Variants in KAZN observed in about 807,000 individuals in gnomAD.
The protein encoded by KAZN is kazrin, periplakin interacting protein, also known as kazrin.
In KAZN, 40 loss-of-function variants were observed where a neutral mutation model predicts 87.4. That is an observed-to-expected ratio of 0.46 (90% CI 0.36 to 0.60). The LOEUF (loss-of-function observed/expected upper bound fraction) is 0.60. Among genes scored for constraint, KAZN ranks in the 20% least tolerant of loss-of-function variants. The pLI, the probability that KAZN is intolerant of heterozygous loss-of-function variation, is 0.00. For synonymous variants in KAZN, 466 were observed against 458.3 expected (o/e 1.02, Z -0.22); for missense variants, 898 against 1,073.9 (o/e 0.84, Z 2.29).
At chr1:14,644,471 C>G (rs956971028) in intron 1 of KAZN, among the ~76,000 whole-genome samples, 1 of 151,782 alleles carries the variant, frequency 6.6e-6, no homozygotes, top group African/African-American at 2.4e-5. Flanking sequence ...ACGCCATGCT[C>G]CTGCCTCAGC....
chr1:14,436,177 C>T (rs747943525), intron 2 of KAZN, among the ~76,000 whole-genome samples: 4 of 151,324 alleles, frequency 2.6e-5, no homozygotes, highest in Admixed American at 6.6e-5. Context: ...TGCAGTGAGC[C>T]GAGATCGCGC....
intron 2 of KAZN, among the ~76,000 whole-genome samples, chr1:14,508,314 G>T (rs910303911): frequency 1.3e-5 from 2 of 152,136 alleles, no homozygotes; most frequent in Non-Finnish European, 2.9e-5. Flanking sequence ...GAGCTCATCT[G>T]TTCCCGTCAC....
At chr1:14,625,420 C>A (rs2148649402) in intron 1 of KAZN, among the ~76,000 whole-genome samples, 1 of 152,246 alleles carries the variant, frequency 6.6e-6, no homozygotes. Flanking sequence ...GAAGAAATTT[C>A]ACTCTTCTCT....
chr1:14,949,787 C>T lies in KAZN; in HGVS notation c.227-10897C>T, dbSNP rs1040724494. 6.6e-6 allele frequency among the ~76,000 whole-genome samples: 1 copy of T among 152,042 alleles called. No individual in the cohort carries two copies. The highest frequency in any genetic ancestry group is 2.4e-5 in the African/African-American group (1 of 41,360). On this transcript the variant is annotated intron_variant, in intron 1 of 14. Transcript: ENST00000376030. This position sits in a 1 kb window ranked among gnomAD's most constrained non-coding sequence, Gnocchi z 4.3. ...GGACAGCGACATGGTTGCTGCCCAG[C>T]CTGTGTTTGGTGAGGGGTGGGTGAA...
At chr1:14,260,802 G>A (rs1366571471) in intron 2 of KAZN, among the ~76,000 whole-genome samples, 5 of 152,164 alleles carry the variant, frequency 3.3e-5, no homozygotes, top group Non-Finnish European at 7.3e-5. Flanking sequence ...GATGGGTACT[G>A]TTACTGCCCC....
chr1:14,991,770 C>T (rs1667383321), intron 2 of KAZN, among the ~76,000 whole-genome samples: 1 of 152,204 alleles, frequency 6.6e-6, no homozygotes, highest in Non-Finnish European at 1.5e-5. Context: ...GCAGATTCCG[C>T]CCTGGACCGC....
At chr1:14,932,647 C>G (rs1659978819) in intron 1 of KAZN, among the ~76,000 whole-genome samples, 1 of 152,038 alleles carries the variant, frequency 6.6e-6, no homozygotes, top group African/African-American at 2.4e-5. Flanking sequence ...GCTTGGGAAG[C>G]CTGAGATGTG....
chr1:14,833,668 A>G (rs979981347), intron 1 of KAZN, among the ~76,000 whole-genome samples: 2 of 152,080 alleles, frequency 1.3e-5, no homozygotes, highest in African/African-American at 2.4e-5. Context: ...TGAGGATTTC[A>G]TGAAGTCTTG....
chr1:14,004,517 C>A (rs1212754699), intron 1 of KAZN, among the ~76,000 whole-genome samples: 1 of 152,102 alleles, frequency 6.6e-6, no homozygotes. Flanking sequence ...AAATATAAAT[C>A]ATGATATAGT....
At chr1:14,703,024 C>A (rs745814922) in intron 1 of KAZN, among the ~76,000 whole-genome samples, 2 of 152,170 alleles carry the variant, frequency 1.3e-5, no homozygotes, top group Non-Finnish European at 2.9e-5. Flanking sequence ...ATTGTTTATT[C>A]TCATGTTACA....
At chr1:15,018,013 G>C (rs970968043) in intron 2 of KAZN, among the ~76,000 whole-genome samples, 1 of 151,920 alleles carries the variant, frequency 6.6e-6, no homozygotes, top group East Asian at 1.9e-4. Flanking sequence ...GAGTCTTTAG[G>C]GTTCTCCCCT....
rs1667879317 is a variant in KAZN, at chr1:14,996,524, C to T, written c.418+35649C>T. On this transcript the variant is annotated intron_variant, in intron 2 of 14. Transcript: ENST00000376030. The surrounding 1 kb of genome is among the most constrained non-coding windows in gnomAD (Gnocchi z 5.9). Reference sequence around the variant, plus strand: ...CATGCTGAGAAAGCTGCCAAATTCCCCCACCTTGTTCTCCAAGGAGGTCCC... The same window carrying T: ...CATGCTGAGAAAGCTGCCAAATTCCTCCACCTTGTTCTCCAAGGAGGTCCC... Among the ~76,000 whole-genome samples, 1 of 152,148 alleles carries T rather than the reference C, an allele frequency of 6.6e-6. No homozygotes were observed. Among genetic ancestry groups the T allele is most frequent in the African/African-American group, 2.4e-5 (1 of 41,434 alleles).
At position 14,202,203 on chromosome 1, in the gene KAZN, G is replaced by A. The variant is rs113895481; in HGVS notation, c.249+21611G>A. On this transcript the variant is annotated intron_variant, in intron 2 of 16. Transcript: ENST00000636203. Reference sequence around the variant, plus strand: ...AGGATTAGAACCAAGGCTGGCTCAGGAGCTCCTGCATTCAAGCTGCACACT... The same window carrying A: ...AGGATTAGAACCAAGGCTGGCTCAGAAGCTCCTGCATTCAAGCTGCACACT... Among the ~76,000 whole-genome samples, 120 of 152,288 alleles carry A rather than the reference G, an allele frequency of 7.9e-4. 1 individual carries two copies. The highest frequency in any genetic ancestry group is 2.8e-3 in the African/African-American group (116 of 41,568).
intron 13 of KAZN, among the ~76,000 whole-genome samples, chr1:15,109,713 T>G (rs1641424918): frequency 6.7e-6 from 1 of 148,314 alleles, no homozygotes; most frequent in Non-Finnish European, 1.5e-5. Context: ...ATGAGCGTGT[T>G]TGTGTGTATA....
At chr1:14,947,122 G>A (rs1306521032) in intron 1 of KAZN, among the ~76,000 whole-genome samples, 2 of 152,180 alleles carry the variant, frequency 1.3e-5, no homozygotes, top group Non-Finnish European at 2.9e-5. Flanking sequence ...GGGCTCTCCC[G>A]GCCGTTGTAA....
At chr1:15,084,356 G>A (rs538746592) in intron 8 of KAZN, among the ~76,000 whole-genome samples, 88 of 152,312 alleles carry the variant, frequency 5.8e-4, no homozygotes, top group African/African-American at 2.0e-3. Flanking sequence ...CCAGAGGGAC[G>A]GCCACTCAGG....
At chr1:14,094,971 T>C (rs1644095015) in intron 1 of KAZN, among the ~76,000 whole-genome samples, 1 of 152,144 alleles carries the variant, frequency 6.6e-6, no homozygotes. Context: ...AAAAAGAAAT[T>C]TGTGTCTTTA....
At chr1:15,040,921 A>G (rs1042697229) in intron 3 of KAZN, among the ~76,000 whole-genome samples, 8 of 151,096 alleles carry the variant, frequency 5.3e-5, no homozygotes, top group Non-Finnish European at 1.2e-4. Context: ...CACCACTGTC[A>G]CCTCCCCAGC....
chr1:15,110,411 G>T (rs1246493889), intron 13 of KAZN, among the ~76,000 whole-genome samples: 2 of 148,146 alleles, frequency 1.4e-5, no homozygotes, highest in African/African-American at 4.9e-5. Flanking sequence ...CTGTGTATTT[G>T]TGTGTGCGCA....
Sources: gnomAD v4.1 joint callset for allele counts (sites outside exome capture counted in the v4.1 genomes callset) on GRCh38, gnomAD v4.1.1 for gene constraint, Gnocchi (gnomAD v3.1) non-coding constraint, MANE v1.5 for transcripts, NCBI Gene and HGNC (gene_info 2026-07-23, HGNC 2026-07-21) for gene names.